The following AKAP19 variants were observed in gnomAD, a reference collection of about 807,000 sequenced individuals.
AKAP19 encodes the protein small A-kinase anchoring protein.
the AKAP19 span, among the ~76,000 whole-genome samples, chr2:190,169,499 G>A: frequency 6.6e-6 from 1 of 152,202 alleles, no homozygotes; most frequent in Non-Finnish European, 1.5e-5. Flanking sequence ...TGATAACAGA[G>A]TAACTAACAC....
the AKAP19 span, among the ~76,000 whole-genome samples, chr2:190,012,869 T>C: frequency 2.6e-5 from 4 of 152,218 alleles, no homozygotes; most frequent in African/African-American, 4.8e-5. Flanking sequence ...GAGATAAATA[T>C]ATCATTTTTG....
chr2:189,921,010 A>G, the AKAP19 span, among the ~76,000 whole-genome samples: 1 of 152,216 alleles, frequency 6.6e-6, no homozygotes, highest in African/African-American at 2.4e-5. Flanking sequence ...ACCCACTGAT[A>G]GACCTTTTTT....
chr2:189,920,347 C>T, the AKAP19 span, among the ~76,000 whole-genome samples: 1 of 152,090 alleles, frequency 6.6e-6, no homozygotes, highest in Non-Finnish European at 1.5e-5. Flanking sequence ...GTCCTAGATC[C>T]TGCCATCACA....
chr2:190,011,158 A>G, the AKAP19 span, among the ~76,000 whole-genome samples: 1 of 145,938 alleles, frequency 6.9e-6, no homozygotes, highest in African/African-American at 2.6e-5. Context: ...CCCAGGTTCC[A>G]GTGATTCTCC....
chr2:189,931,873 T>C, the AKAP19 span, among the ~76,000 whole-genome samples: 1 of 152,170 alleles, frequency 6.6e-6, no homozygotes, highest in African/African-American at 2.4e-5. Context: ...TCTACCCACC[T>C]TGTCCTCTTA....
At chr2:190,111,111 C>G in the AKAP19 span, among the ~76,000 whole-genome samples, 3 of 152,238 alleles carry the variant, frequency 2.0e-5, no homozygotes, top group South Asian at 6.2e-4. Context: ...AGAGCCCCCC[C>G]AGAGCACAGG....
the AKAP19 span, among the ~76,000 whole-genome samples, chr2:189,924,501 T>C: frequency 6.6e-6 from 1 of 152,206 alleles, no homozygotes; most frequent in East Asian, 1.9e-4. Context: ...TGATGTATGG[T>C]TTTTATCAAC....
At chr2:189,923,448 C>T in the AKAP19 span, 2 of 1,613,858 alleles carry the variant, frequency 1.2e-6, no homozygotes, top group Non-Finnish European at 1.7e-6. Flanking sequence ...GCAATCTTTT[C>T]GAAGTATGGC....
chr2:190,163,459 A>AC, the AKAP19 span, among the ~76,000 whole-genome samples: 475 of 150,304 alleles, frequency 3.2e-3, 3 homozygotes, highest in Admixed American at 6.9e-3. Flanking sequence ...AAAAAACAAA[A>AC]AAAAAAAAAA....
chr2:190,182,628 T>G, the AKAP19 span, among the ~76,000 whole-genome samples: 65 of 152,370 alleles, frequency 4.3e-4, no homozygotes, highest in South Asian at 1.7e-3. Context: ...GACCCCTCTC[T>G]GTGCTAAAGA....
chr2:189,896,342 T>A, the AKAP19 span, among the ~76,000 whole-genome samples: 2 of 152,172 alleles, frequency 1.3e-5, no homozygotes, highest in African/African-American at 4.8e-5. Context: ...TAATTTTATC[T>A]TGATTTTCAT....
the AKAP19 span, among the ~76,000 whole-genome samples, chr2:189,886,175 G>C: frequency 6.6e-6 from 1 of 152,174 alleles, no homozygotes; most frequent in Admixed American, 6.5e-5. Flanking sequence ...GGGGATACCA[G>C]TATTTTTGAG....
At chr2:190,180,146 A>T in the AKAP19 span, among the ~76,000 whole-genome samples, 2 of 152,236 alleles carry the variant, frequency 1.3e-5, no homozygotes, top group East Asian at 3.8e-4. This position sits in a 1 kb window ranked among gnomAD's most constrained non-coding sequence, Gnocchi z 6.8. Flanking sequence ...TACTTCCAAC[A>T]CTTTTGCTCT....
chr2:190,175,630 G>C, the AKAP19 span, among the ~76,000 whole-genome samples: 1 of 152,186 alleles, frequency 6.6e-6, no homozygotes, highest in South Asian at 2.1e-4. Flanking sequence ...TCAGGAGTGA[G>C]AAGCTTGGAG....
chr2:190,071,688 T>C, the AKAP19 span, among the ~76,000 whole-genome samples: 2 of 152,170 alleles, frequency 1.3e-5, no homozygotes, highest in African/African-American at 4.8e-5. Flanking sequence ...ATTGATATCA[T>C]TAATATTAAT....
At chr2:189,929,914 A>C in the AKAP19 span, among the ~76,000 whole-genome samples, 2 of 152,206 alleles carry the variant, frequency 1.3e-5, no homozygotes, top group Admixed American at 1.3e-4. Context: ...AAGTTATTTC[A>C]TTTAGGAAAA....
the AKAP19 span, among the ~76,000 whole-genome samples, chr2:190,035,814 G>C: frequency 3.9e-5 from 6 of 152,180 alleles, no homozygotes; most frequent in African/African-American, 1.4e-4. Context: ...TCATTTACCA[G>C]GCGATAGATA....
chr2:189,943,878 T>C, the AKAP19 span, among the ~76,000 whole-genome samples: 2 of 152,246 alleles, frequency 1.3e-5, no homozygotes, highest in East Asian at 1.9e-4. Flanking sequence ...TTCTTTTGGC[T>C]GATTTCTCCC....
At chr2:190,078,669 C>CTTTA in the AKAP19 span, among the ~76,000 whole-genome samples, 1 of 151,574 alleles carries the variant, frequency 6.6e-6, no homozygotes, top group Non-Finnish European at 1.5e-5. Flanking sequence ...AGAAAATAAC[C>CTTTA]CCTTCTTTCC....
Sources: gnomAD v4.1 joint callset for allele counts (sites outside exome capture counted in the v4.1 genomes callset) on GRCh38, gnomAD v4.1.1 for gene constraint, Gnocchi (gnomAD v3.1) non-coding constraint, MANE v1.5 for transcripts, NCBI Gene and HGNC (gene_info 2026-07-23, HGNC 2026-07-21) for gene names.